The following CNTN4 variants were observed in gnomAD, a reference collection of about 807,000 sequenced individuals.
CNTN4 encodes contactin 4, also known as contactin-4.
In CNTN4, 77 loss-of-function variants were observed where a neutral mutation model predicts 122.5. The ratio of observed to expected loss-of-function variants is 0.63; its 90% CI spans 0.52 to 0.76. The LOEUF is 0.76. Ranked by LOEUF, CNTN4 falls within the 30% of genes least tolerant of loss-of-function variation. The probability of loss-of-function intolerance (pLI) is 0.00; values close to 1 mark genes in which losing one functional copy is unlikely to be tolerated. For synonymous variants in CNTN4, 512 were observed against 447.0 expected, an observed-to-expected ratio of 1.15 and a Z score of -1.83; for missense variants, 1,256 against 1,259.1, an observed-to-expected ratio of 1.00 and a Z score of 0.04.
chr3:2,796,289 G>A (rs189603416), intron 6 of CNTN4, among the ~76,000 whole-genome samples: 1 of 152,154 alleles, frequency 6.6e-6, no homozygotes, highest in East Asian at 1.9e-4. Context: ...GTTTCTTAAA[G>A]GATTATATTT....
At chr3:2,458,356 CT>C (rs2049077306) in intron 3 of CNTN4, among the ~76,000 whole-genome samples, 2 of 152,102 alleles carry the variant, frequency 1.3e-5, no homozygotes, top group South Asian at 4.1e-4. Flanking sequence ...ACATACATAT[CT>C]TTCTTGTGTA....
chr3:2,844,923 C>T (rs73110924), intron 7 of CNTN4, among the ~76,000 whole-genome samples: 1,913 of 152,268 alleles, frequency 0.013, 37 homozygotes, highest in African/African-American at 0.044. Flanking sequence ...TGGTAGGCTA[C>T]GCTCAGGTGA....
intron 2 of CNTN4, among the ~76,000 whole-genome samples, chr3:2,288,583 T>C (rs936260848): frequency 3.9e-5 from 6 of 152,032 alleles, no homozygotes; most frequent in African/African-American, 1.4e-4. Flanking sequence ...CAAGAGGAAG[T>C]TGCTATAAAA....
chr3:2,209,971 G>A (rs956294086), intron 2 of CNTN4, among the ~76,000 whole-genome samples: 1 of 151,812 alleles, frequency 6.6e-6, no homozygotes, highest in African/African-American at 2.4e-5. Flanking sequence ...ATTTTATTTT[G>A]TACTGGTATT....
chr3:2,650,506 C>T (rs2083313992), intron 4 of CNTN4, among the ~76,000 whole-genome samples: 1 of 152,142 alleles, frequency 6.6e-6, no homozygotes, highest in Non-Finnish European at 1.5e-5. Flanking sequence ...AAAAGAATTC[C>T]TACTGCGGAT....
intron 3 of CNTN4, among the ~76,000 whole-genome samples, chr3:2,510,659 C>A (rs968254828): frequency 6.6e-6 from 1 of 152,110 alleles, no homozygotes; most frequent in African/African-American, 2.4e-5. Flanking sequence ...TCTTCCGGGG[C>A]CAGCAGGTAG....
At chr3:2,506,034 A>G (rs185134762) in intron 3 of CNTN4, among the ~76,000 whole-genome samples, 33 of 152,220 alleles carry the variant, frequency 2.2e-4, no homozygotes, top group Non-Finnish European at 3.8e-4. Flanking sequence ...TTCTAATGTA[A>G]CACTATGGTA....
intron 23 of CNTN4, among the ~76,000 whole-genome samples, chr3:3,046,238 G>C (rs551585904): frequency 6.6e-6 from 1 of 152,182 alleles, no homozygotes; most frequent in African/African-American, 2.4e-5. Flanking sequence ...CCCCAGCCTA[G>C]CAAGGCAGGC....
chr3:2,946,098 T>C (rs1026654017), intron 13 of CNTN4, among the ~76,000 whole-genome samples: 1 of 152,178 alleles, frequency 6.6e-6, no homozygotes, highest in African/African-American at 2.4e-5. Context: ...GATAAACAGA[T>C]GAGTGGGTTT....
chr3:2,340,393 T>A (rs1237797900), intron 3 of CNTN4, among the ~76,000 whole-genome samples: 1 of 151,954 alleles, frequency 6.6e-6, no homozygotes, highest in African/African-American at 2.4e-5. Context: ...AAGATAAAAA[T>A]TATTCGGTAC....
intron 9 of CNTN4, among the ~76,000 whole-genome samples, chr3:2,885,140 G>T (rs2093957134): frequency 6.6e-6 from 1 of 152,166 alleles, no homozygotes; most frequent in Non-Finnish European, 1.5e-5. Flanking sequence ...GAGAAGATTA[G>T]CAAGTCTTTA....
At position 2,236,478 on chromosome 3, in the gene CNTN4, C is replaced by T. The variant is rs893428752; in HGVS notation, c.-144-102700C>T. Reference sequence around the variant, plus strand: ...TGACTTTATTCTATACATATTTATTCACACCTGCTGTGTTCAATTCATTGA... The same window carrying T: ...TGACTTTATTCTATACATATTTATTTACACCTGCTGTGTTCAATTCATTGA... On this transcript the variant is annotated intron_variant, in intron 2 of 24. Transcript: ENST00000418658. 2.0e-5 allele frequency among the ~76,000 whole-genome samples: 3 copies of T among 152,190 alleles called. No homozygotes were observed. In the South Asian group the frequency reaches 6.2e-4, roughly 31 times the overall value.
At chr3:2,545,542 C>A (rs143240920) in intron 3 of CNTN4, among the ~76,000 whole-genome samples, 1 of 151,364 alleles carries the variant, frequency 6.6e-6, no homozygotes, top group African/African-American at 2.4e-5. Context: ...TCTAGCTGCC[C>A]TTGTCTTGGT....
chr3:2,634,036 T>C (rs911702777), intron 4 of CNTN4, among the ~76,000 whole-genome samples: 1 of 152,220 alleles, frequency 6.6e-6, no homozygotes, highest in Non-Finnish European at 1.5e-5. Flanking sequence ...TGGGAAACAA[T>C]TTAAATTGTT....
intron 2 of CNTN4, among the ~76,000 whole-genome samples, chr3:2,124,474 C>CACACACACACACACA (rs1559265723): frequency 5.6e-5 from 6 of 107,596 alleles, no homozygotes; most frequent in African/African-American, 1.8e-4. Context: ...ACACACACAC[C>CACACACACACACACA]CCCTTAAGCA....
intron 5 of CNTN4, among the ~76,000 whole-genome samples, chr3:2,742,877 T>C (rs2089536408): frequency 6.6e-6 from 1 of 152,214 alleles, no homozygotes; most frequent in Non-Finnish European, 1.5e-5. Flanking sequence ...CACATTCAAT[T>C]GGAATGAACA....
At chr3:2,804,737 C>CTTTAGTTTTTTTTTTTTTTTTTT (rs1553643947) in intron 6 of CNTN4, among the ~76,000 whole-genome samples, 4 of 144,974 alleles carry the variant, frequency 2.8e-5, no homozygotes, top group African/African-American at 2.5e-5. Context: ...ATTTTGAGCA[C>CTTTAGTTTTTTTTTTTTTTTTTT]TTTTTTTTTG....
chr3:2,223,355 C>T (rs898571617), intron 2 of CNTN4, among the ~76,000 whole-genome samples: 4 of 152,230 alleles, frequency 2.6e-5, no homozygotes, highest in Middle Eastern at 3.4e-3. Context: ...TCCATATATC[C>T]TTCCCCCTTC....
At chr3:2,865,155 G>A (rs1283840388) in intron 7 of CNTN4, among the ~76,000 whole-genome samples, 1 of 152,144 alleles carries the variant, frequency 6.6e-6, no homozygotes, top group Non-Finnish European at 1.5e-5. Context: ...GGGGTTACTT[G>A]TAATGACATG....
Sources: allele counts gnomAD v4.1 joint callset (sites outside exome capture counted in the v4.1 genomes callset), GRCh38; gene constraint gnomAD v4.1.1; transcripts MANE v1.5; gene names NCBI Gene and HGNC (gene_info 2026-07-23, HGNC 2026-07-21).